The following CSMD2 variants were observed in gnomAD, a reference collection of about 807,000 sequenced individuals.
CSMD2 encodes CUB and sushi domain-containing protein 2.
A neutral mutation model predicts 398.5 loss-of-function variants in CSMD2; 130 were observed. That is an observed-to-expected ratio of 0.33 (90% CI 0.28 to 0.38). The LOEUF is 0.38. CSMD2 is among the 10% of genes least tolerant of loss of function. CSMD2 has a pLI of 1.00. For missense variants in CSMD2, 3,829 were observed against 4,764.9 expected, an observed-to-expected ratio of 0.80 and a Z score of 5.78; for synonymous variants, 1,828 against 1,908.5, an observed-to-expected ratio of 0.96 and a Z score of 1.10.
rs143048481 is a variant in CSMD2, at chr1:33,774,799, C to T, written c.1664-2048G>A. ...GAAGGAATCTGCCCAGCCTTCCCAT[C>T]GTGTAGGCACAGCCCTGCGCACATG... is the stretch of plus-strand genomic sequence containing the variant. On this transcript the variant is annotated intron_variant, in intron 12 of 70. Coordinates refer to ENST00000373381, the MANE Select transcript of CSMD2 (RefSeq NM_001281956.2). Among the ~76,000 whole-genome samples the T allele has an allele frequency of 5.1e-4, 78 of 152,304 alleles. 1 individual carries two copies. Among genetic ancestry groups the T allele is most frequent in the African/African-American group, 1.8e-3 (76 of 41,558 alleles).
chr1:33,891,972 C>CACACT (rs1642048346), intron 5 of CSMD2, among the ~76,000 whole-genome samples: 1 of 150,002 alleles, frequency 6.7e-6, no homozygotes. Context: ...ATGGGTGCAG[C>CACACT]ACACTAGCAT....
At chr1:33,757,013 T>C (rs1649120755) in intron 13 of CSMD2, among the ~76,000 whole-genome samples, 1 of 152,110 alleles carries the variant, frequency 6.6e-6, no homozygotes, top group Non-Finnish European at 1.5e-5. Flanking sequence ...TGTAGGGACA[T>C]GGATGAAACT....
chr1:33,916,716 A>G (rs538945265), intron 5 of CSMD2, among the ~76,000 whole-genome samples: 100 of 152,072 alleles, frequency 6.6e-4, no homozygotes, highest in Non-Finnish European at 1.2e-3. Flanking sequence ...CTAGTTCCCA[A>G]ATCTGAGCCT....
chr1:33,748,635 C>T (rs1392343289), intron 13 of CSMD2, among the ~76,000 whole-genome samples: 2 of 151,850 alleles, frequency 1.3e-5, no homozygotes, highest in Non-Finnish European at 2.9e-5. Context: ...TTATAGAGAC[C>T]TAATACAAAA....
chr1:33,841,726 G>A (rs1248675551), intron 6 of CSMD2, among the ~76,000 whole-genome samples: 3 of 152,008 alleles, frequency 2.0e-5, no homozygotes, highest in African/African-American at 4.8e-5. Context: ...CATACTCTTA[G>A]GTAAATACCC....
rs1243075456 is a variant in CSMD2 at position 33,527,188 on chromosome 1, A to G, written c.10234+8T>C. 1 of 1,612,530 alleles carries G rather than the reference A, an allele frequency of 6.2e-7. No individual in the cohort carries two copies. The highest frequency in any genetic ancestry group is 1.1e-5 in the South Asian group (1 of 91,056). ...GTTTCTTGAGCCAATGATCTGGACC[A>G]TACGTACTCAAGGCTTGGGTGAGCG... On this transcript the variant is annotated splice_region_variant and intron_variant, in intron 65 of 70. Coordinates refer to ENST00000373381, the MANE Select transcript of CSMD2 (RefSeq NM_001281956.2).
chr1:33,600,089 G>C, intron 44 of CSMD2: 1 of 686,216 alleles, frequency 1.5e-6, no homozygotes, highest in South Asian at 1.6e-5. Context: ...AATTCTTACA[G>C]GTCACAAACT....
At chr1:33,693,289 G>A (rs1645303611) in intron 24 of CSMD2, among the ~76,000 whole-genome samples, 1 of 152,152 alleles carries the variant, frequency 6.6e-6, no homozygotes, top group Non-Finnish European at 1.5e-5. Context: ...AAAGGCAAAG[G>A]ATTCGAATAA....
At chr1:33,891,668 G>C (rs1642025831) in intron 5 of CSMD2, among the ~76,000 whole-genome samples, 1 of 151,978 alleles carries the variant, frequency 6.6e-6, no homozygotes, top group African/African-American at 2.4e-5. Flanking sequence ...AACAATGATA[G>C]AGTGGATTAA....
chr1:33,694,708 C>T (rs573108616), intron 24 of CSMD2, among the ~76,000 whole-genome samples: 1 of 152,314 alleles, frequency 6.6e-6, no homozygotes, highest in Admixed American at 6.5e-5. Context: ...CAGGTAGTAT[C>T]TTTACAGCAG....
intron 12 of CSMD2, among the ~76,000 whole-genome samples, chr1:33,783,149 C>T (rs1653005522): frequency 6.6e-6 from 1 of 152,032 alleles, no homozygotes; most frequent in Admixed American, 6.5e-5. Context: ...CTAGGGATGG[C>T]ATGGATGGTG....
At chr1:33,998,973 G>A (rs887734879) in intron 3 of CSMD2, among the ~76,000 whole-genome samples, 2 of 152,156 alleles carry the variant, frequency 1.3e-5, no homozygotes, top group African/African-American at 2.4e-5. Flanking sequence ...CAGGCTCCCG[G>A]ATTCTGTCCT....
At chr1:34,024,737 C>A (rs1447221153) in intron 3 of CSMD2, among the ~76,000 whole-genome samples, 1 of 152,204 alleles carries the variant, frequency 6.6e-6, no homozygotes, top group African/African-American at 2.4e-5. Flanking sequence ...CATTGGCCTG[C>A]TGTTCTGCTG....
At chr1:33,530,666 A>G (rs969462556) in intron 64 of CSMD2, among the ~76,000 whole-genome samples, 11 of 152,350 alleles carry the variant, frequency 7.2e-5, no homozygotes, top group Middle Eastern at 3.4e-3. Context: ...GGCATTATTC[A>G]TAATAGCCAA....
rs1653612873 is a variant in CSMD2, at chr1:33,514,656, T to G, written c.*1968A>C. 1 of 145,294 alleles carries G rather than the reference T, an allele frequency of 6.9e-6. No homozygotes were observed. The allele number at this position is 145,294 out of a possible 1,614,324, so 9.0% of individuals were successfully genotyped here. On this transcript the variant is annotated 3_prime_UTR_variant, in exon 71 of 71. Transcript: ENST00000373381. ...GAAGGGAGCAGTCGAAGGAGAGGAG[T>G]GTAAGGGGGAAGGGAGCATAAGAAA... is the stretch of plus-strand genomic sequence containing the variant.
intron 37 of CSMD2, among the ~76,000 whole-genome samples, chr1:33,620,421 T>C (rs1048939579): frequency 6.6e-6 from 1 of 152,174 alleles, no homozygotes; most frequent in African/African-American, 2.4e-5. Context: ...CCGTAGCTCT[T>C]CCCATCATGA....
intron 3 of CSMD2, among the ~76,000 whole-genome samples, chr1:33,987,926 T>C (rs1286794241): frequency 1.3e-5 from 2 of 152,168 alleles, no homozygotes; most frequent in Non-Finnish European, 2.9e-5. Context: ...ACCCGACCTA[T>C]TGCAACAGTC....
Position 33,574,184 on chromosome 1 carries a change from G to A in CSMD2, c.7577-1493C>T, listed in dbSNP as rs765104488. The stretch of plus-strand genomic sequence containing the variant: ...GGATATACCCCATGAAAAAGAGGGT[G>A]AAAACCAGGAAAGGACAATATATGA... On this transcript the variant is annotated intron_variant, in intron 49 of 70. Coordinates refer to ENST00000373381, the MANE Select transcript of CSMD2 (RefSeq NM_001281956.2). Among the ~76,000 whole-genome samples, 11 of 152,096 alleles carry A rather than the reference G, an allele frequency of 7.2e-5. No individual in the cohort carries two copies. The South Asian group carries it at 1.4e-3, about 20-fold the overall frequency.
chr1:33,564,082 TCA>T (rs2148669795), intron 53 of CSMD2, among the ~76,000 whole-genome samples: 1 of 79,868 alleles, frequency 1.3e-5, no homozygotes, highest in African/African-American at 3.1e-5. Context: ...ATCATCTTCA[TCA>T]TCATCATCAT....
Sources: allele counts gnomAD v4.1 joint callset (sites outside exome capture counted in the v4.1 genomes callset), GRCh38; gene constraint gnomAD v4.1.1; transcripts MANE v1.5; gene names NCBI Gene and HGNC (gene_info 2026-07-23, HGNC 2026-07-21).